Variants in NSMCE2 observed in about 807,000 individuals in gnomAD.
NSMCE2 encodes NSE2 SUMO ligase component of SMC5/6 complex, also known as E3 SUMO-protein ligase NSE2.
Under a neutral mutation model 23.8 loss-of-function variants are expected in NSMCE2, and 24 were observed. The observed-to-expected ratio is 1.01, with a 90% CI of 0.73 to 1.42. The LOEUF (loss-of-function observed/expected upper bound fraction) is 1.42, where lower values mean the gene tolerates loss of function less well. Among genes scored for constraint, NSMCE2 ranks in the 40% most tolerant of loss-of-function variants. The probability of loss-of-function intolerance (pLI) is 0.00; values close to 1 mark genes in which losing one functional copy is unlikely to be tolerated. For missense variants in NSMCE2, 284 were observed against 296.5 expected (o/e 0.96, Z 0.31); for synonymous variants, 92 against 94.1 (o/e 0.98, Z 0.13).
chr8:125,139,066 A>G (rs1223288043), intron 3 of NSMCE2, among the ~76,000 whole-genome samples: 1 of 152,238 alleles, frequency 6.6e-6, no homozygotes, highest in Non-Finnish European at 1.5e-5. Flanking sequence ...GAGGCGCTGA[A>G]TCAGCTCTGT....
rs4338125 is a variant in NSMCE2, at chr8:125,240,359, G to A, written c.418+58103G>A. Among the ~76,000 whole-genome samples the A allele has an allele frequency of 7.1e-3, 1,081 of 152,166 alleles. 9 individuals are homozygous for A. Among genetic ancestry groups the A allele is most frequent in the African/African-American group, 0.025 (1,040 of 41,538 alleles). On this transcript the variant is annotated intron_variant, in intron 5 of 7. Transcript: ENST00000287437. Reference sequence around the variant, plus strand: ...AGGCTGGTCTTGAACTCCTGACCTCGTGATCAGCCCGCCTTGGCCTCCCAA... The same window carrying A: ...AGGCTGGTCTTGAACTCCTGACCTCATGATCAGCCCGCCTTGGCCTCCCAA...
In NSMCE2 at chr8:125,231,322, A is replaced by G. The variant is rs112943831; in HGVS notation, c.418+49066A>G. Among the ~76,000 whole-genome samples, 321 of 152,360 alleles carry G rather than the reference A, an allele frequency of 2.1e-3. 2 individuals carry two copies. The highest frequency in any genetic ancestry group is 7.5e-3 in the African/African-American group (313 of 41,584). On this transcript the variant is annotated intron_variant, in intron 5 of 7. Transcript: ENST00000287437. The stretch of plus-strand genomic sequence containing the variant: ...CCCTTCAAGACAATGACTTGTCTTC[A>G]TAGCTCATCAGTGAGTTCACAGTCT...
chr8:125,304,454 C>T (rs1028071725), intron 5 of NSMCE2, among the ~76,000 whole-genome samples: 5 of 152,004 alleles, frequency 3.3e-5, no homozygotes, highest in African/African-American at 9.7e-5. Flanking sequence ...TAGAGAGACC[C>T]GGGGCAAGGA....
chr8:125,279,159 A>G (rs137912291), intron 5 of NSMCE2, among the ~76,000 whole-genome samples: 77 of 152,348 alleles, frequency 5.1e-4, no homozygotes, highest in African/African-American at 1.8e-3. Context: ...CACTCTTATT[A>G]CAAAGCTATG....
At chr8:125,126,620 T>G (rs977721532) in intron 3 of NSMCE2, among the ~76,000 whole-genome samples, 18 of 152,206 alleles carry the variant, frequency 1.2e-4, no homozygotes, top group Admixed American at 9.8e-4. Flanking sequence ...TTTCCCTTTT[T>G]GGCAAAGAGG....
intron 4 of NSMCE2, among the ~76,000 whole-genome samples, chr8:125,158,575 G>C (rs1272100693): frequency 6.6e-6 from 1 of 152,194 alleles, no homozygotes; most frequent in Non-Finnish European, 1.5e-5. Flanking sequence ...GTGGCACCAG[G>C]CCATCCTAGC....
chr8:125,218,687 T>C (rs1231465627), intron 5 of NSMCE2, among the ~76,000 whole-genome samples: 2 of 152,086 alleles, frequency 1.3e-5, no homozygotes, highest in African/African-American at 4.8e-5. Context: ...GCTAGGATTA[T>C]AGGTGTGAGC....
intron 3 of NSMCE2, among the ~76,000 whole-genome samples, chr8:125,135,729 A>G (rs1176486802): frequency 1.3e-5 from 2 of 152,090 alleles, no homozygotes; most frequent in African/African-American, 2.4e-5. Flanking sequence ...GTAGGTATAT[A>G]TCCATTTCTG....
At chr8:125,203,222 T>C (rs1022946013) in intron 5 of NSMCE2, among the ~76,000 whole-genome samples, 1 of 151,706 alleles carries the variant, frequency 6.6e-6, no homozygotes. Flanking sequence ...AGATAACTTA[T>C]CGTAAATGTT....
At chr8:125,262,548 G>A (rs1420918554) in intron 5 of NSMCE2, among the ~76,000 whole-genome samples, 1 of 152,056 alleles carries the variant, frequency 6.6e-6, no homozygotes, top group East Asian at 1.9e-4. Context: ...ATTCATTCAT[G>A]CACCAAAAAT....
chr8:125,364,196 G>A (rs1340377779), intron 7 of NSMCE2, among the ~76,000 whole-genome samples: 2 of 151,992 alleles, frequency 1.3e-5, no homozygotes, highest in East Asian at 1.9e-4. Flanking sequence ...CACCTGCCTC[G>A]GCCTCCCAAA....
At chr8:125,300,917 G>A (rs1828538112) in intron 5 of NSMCE2, among the ~76,000 whole-genome samples, 1 of 152,172 alleles carries the variant, frequency 6.6e-6, no homozygotes, top group Non-Finnish European at 1.5e-5. Flanking sequence ...AGCCCGCTGA[G>A]CAGTCTTGAA....
intron 1 of NSMCE2, among the ~76,000 whole-genome samples, chr8:125,098,053 A>C (rs1306241016): frequency 1.3e-5 from 2 of 152,174 alleles, no homozygotes; most frequent in Non-Finnish European, 2.9e-5. Flanking sequence ...ATAATGTAGA[A>C]CAGTGGTCTT....
chr8:125,362,219 C>T (rs931333674), intron 7 of NSMCE2, among the ~76,000 whole-genome samples: 1 of 152,338 alleles, frequency 6.6e-6, no homozygotes. Context: ...CGAATGCTTA[C>T]GGAGACAGTT....
chr8:125,309,543 C>A (rs965204334), intron 5 of NSMCE2, among the ~76,000 whole-genome samples: 1 of 151,900 alleles, frequency 6.6e-6, no homozygotes, highest in Non-Finnish European at 1.5e-5. Context: ...GACAACATAG[C>A]GAGACCCCTG....
At chr8:125,285,698 A>G (rs577587518) in intron 5 of NSMCE2, among the ~76,000 whole-genome samples, 2 of 152,144 alleles carry the variant, frequency 1.3e-5, no homozygotes, top group South Asian at 2.1e-4. Context: ...AGCAGACCCA[A>G]TATAATAGCT....
chr8:125,113,056 A>G (rs1388317508), intron 3 of NSMCE2, among the ~76,000 whole-genome samples: 2 of 85,904 alleles, frequency 2.3e-5, no homozygotes, highest in Non-Finnish European at 4.0e-5. Flanking sequence ...TTAACAGAAA[A>G]TGGGGGGGGG....
intron 3 of NSMCE2, chr8:125,130,079 C>A: frequency 6.1e-6 from 2 of 328,622 alleles, no homozygotes; most frequent in Non-Finnish European, 1.2e-5. Context: ...TCTTCGTAGA[C>A]GCTTCTTAGT....
intron 5 of NSMCE2, among the ~76,000 whole-genome samples, chr8:125,308,481 G>C (rs1289603783): frequency 2.0e-5 from 3 of 152,106 alleles, no homozygotes; most frequent in African/African-American, 7.2e-5. Flanking sequence ...AGCAATACAG[G>C]CTAAACAACA....
Sources: gnomAD v4.1 joint callset for allele counts (sites outside exome capture counted in the v4.1 genomes callset) on GRCh38, gnomAD v4.1.1 for gene constraint, MANE v1.5 for transcripts, NCBI Gene and HGNC (gene_info 2026-07-23, HGNC 2026-07-21) for gene names.